GPC6: variants seen among roughly 807,000 people sequenced by gnomAD.
The protein encoded by GPC6 is glypican 6, also known as glypican-6.
A neutral mutation model predicts 55.2 loss-of-function variants in GPC6; 14 were observed. That is an observed-to-expected ratio of 0.25 (90% CI 0.17 to 0.40). The LOEUF (loss-of-function observed/expected upper bound fraction) is 0.40, where lower values mean the gene tolerates loss of function less well. GPC6 is among the 10% of genes least tolerant of loss of function. The pLI, the probability that GPC6 is intolerant of heterozygous loss-of-function variation, is 1.00. For missense variants in GPC6, 641 were observed against 708.5 expected (o/e 0.90, Z 1.08); for synonymous variants, 278 against 259.6 (o/e 1.07, Z -0.68).
chr13:93,887,452 A>G (rs1345747171), intron 3 of GPC6, among the ~76,000 whole-genome samples: 10 of 152,140 alleles, frequency 6.6e-5, no homozygotes, highest in Admixed American at 6.6e-4. Context: ...GAACACAGAG[A>G]TAACACCCAC....
intron 2 of GPC6, among the ~76,000 whole-genome samples, chr13:93,751,672 C>T (rs1161908579): frequency 6.6e-6 from 1 of 151,972 alleles, no homozygotes; most frequent in African/African-American, 2.4e-5. Context: ...CAGGTGTGCA[C>T]CACCATGCCT....
intron 3 of GPC6, among the ~76,000 whole-genome samples, chr13:93,987,399 A>T (rs1594644614): frequency 6.6e-6 from 1 of 152,324 alleles, no homozygotes; most frequent in East Asian, 1.9e-4. Flanking sequence ...CAGTTATTAA[A>T]GTTTTGACTA....
chr13:94,300,234 A>G (rs1375099945), intron 5 of GPC6, among the ~76,000 whole-genome samples: 1 of 152,210 alleles, frequency 6.6e-6, no homozygotes, highest in Non-Finnish European at 1.5e-5. Flanking sequence ...GACTTTTTAA[A>G]TGTATAATCA....
At chr13:94,385,165 A>G (rs1456374144) in intron 7 of GPC6, among the ~76,000 whole-genome samples, 8 of 151,948 alleles carry the variant, frequency 5.3e-5, no homozygotes, top group Admixed American at 5.2e-4. Context: ...GCTTGAACCC[A>G]GGAAAAGGAG....
At chr13:93,998,194 A>G (rs1347978846) in intron 3 of GPC6, among the ~76,000 whole-genome samples, 1 of 152,240 alleles carries the variant, frequency 6.6e-6, no homozygotes, top group Non-Finnish European at 1.5e-5. Context: ...CATCATACAG[A>G]TACAACAGAT....
At chr13:94,253,355 A>C (rs768814403) in intron 4 of GPC6, among the ~76,000 whole-genome samples, 2 of 152,124 alleles carry the variant, frequency 1.3e-5, no homozygotes, top group Non-Finnish European at 2.9e-5. Context: ...TTGATTCTCT[A>C]TAACCTAGAT....
At chr13:94,298,039 T>TA (rs548064285) in intron 5 of GPC6, among the ~76,000 whole-genome samples, 44 of 147,976 alleles carry the variant, frequency 3.0e-4, no homozygotes, top group East Asian at 7.9e-4. Flanking sequence ...CCACACTAAT[T>TA]AAAAAAAAAA....
intron 2 of GPC6, among the ~76,000 whole-genome samples, chr13:93,804,648 C>G (rs1380673557): frequency 6.6e-6 from 1 of 152,210 alleles, no homozygotes; most frequent in Non-Finnish European, 1.5e-5. Flanking sequence ...CCATCAATAA[C>G]AGAGCCTGCC....
At chr13:93,357,975 C>T (rs986022420) in intron 1 of GPC6, among the ~76,000 whole-genome samples, 2 of 152,140 alleles carry the variant, frequency 1.3e-5, no homozygotes, top group African/African-American at 2.4e-5. Flanking sequence ...GTGGTCTGTT[C>T]ATGGATGCCT....
chr13:93,508,104 G>C (rs1315288360), intron 1 of GPC6, among the ~76,000 whole-genome samples: 1 of 152,082 alleles, frequency 6.6e-6, no homozygotes, highest in East Asian at 1.9e-4. Context: ...ACTATAATCT[G>C]GCAACAAATA....
chr13:93,289,384 G>A (rs972832509), intron 1 of GPC6, among the ~76,000 whole-genome samples: 6 of 152,026 alleles, frequency 3.9e-5, no homozygotes, highest in Admixed American at 2.0e-4. Flanking sequence ...TAGATATTCT[G>A]GAAATATGAT....
chr13:93,661,388 A>G (rs1023021123), intron 2 of GPC6, among the ~76,000 whole-genome samples: 3 of 151,922 alleles, frequency 2.0e-5, no homozygotes, highest in African/African-American at 7.2e-5. Flanking sequence ...TAATTTTTGT[A>G]TTTTTAGTAC....
At chr13:93,823,514 T>C (rs544317585) in intron 2 of GPC6, among the ~76,000 whole-genome samples, 72 of 152,182 alleles carry the variant, frequency 4.7e-4, no homozygotes, top group Non-Finnish European at 9.1e-4. Flanking sequence ...ATAAAATATC[T>C]GATGCCCGTT....
intron 4 of GPC6, among the ~76,000 whole-genome samples, chr13:94,075,114 A>T (rs1311579375): frequency 6.6e-6 from 1 of 152,192 alleles, no homozygotes; most frequent in Non-Finnish European, 1.5e-5. Context: ...TAGTAGCTAT[A>T]CACAATCATC....
chr13:94,071,031 C>T (rs373925207), intron 4 of GPC6, among the ~76,000 whole-genome samples: 2 of 152,144 alleles, frequency 1.3e-5, no homozygotes, highest in East Asian at 1.9e-4. Flanking sequence ...TATGATTGAG[C>T]ATTGTAATTG....
At chr13:93,848,465 C>A (rs1888279180) in intron 3 of GPC6, among the ~76,000 whole-genome samples, 1 of 152,062 alleles carries the variant, frequency 6.6e-6, no homozygotes, top group African/African-American at 2.4e-5. Context: ...CTTAAGGCAA[C>A]CCTCCCAGTC....
At chr13:94,041,973 C>G (rs1413631173) in intron 4 of GPC6, among the ~76,000 whole-genome samples, 1 of 151,768 alleles carries the variant, frequency 6.6e-6, no homozygotes, top group Non-Finnish European at 1.5e-5. Flanking sequence ...TGTCCCCACC[C>G]AAATCTCATG....
chr13:93,973,042 G>A (rs993189004), intron 3 of GPC6, among the ~76,000 whole-genome samples: 3 of 151,742 alleles, frequency 2.0e-5, no homozygotes, highest in Non-Finnish European at 2.9e-5. Context: ...AGAGTCCACT[G>A]CACTACAGGT....
chr13:93,830,470 C>T lies in GPC6; in HGVS notation c.636C>T (p.Thr212=), dbSNP rs1268262347. 9 of 1,613,632 alleles carry T rather than the reference C, an allele frequency of 5.6e-6. 1 individual carries two copies. Among genetic ancestry groups the T allele is most frequent in the Non-Finnish European group, 7.6e-6 (9 of 1,179,844 alleles). The change falls in exon 3 of 9, where the codon ACC becomes ACT. Residue 212 remains threonine (T), a synonymous_variant. Transcript: ENST00000377047. ...DVPRKLKIQV[T]RAFIAARTFV... The stretch of plus-strand genomic sequence containing the variant: ...CCCGGAAACTGAAGATTCAGGTTAC[C>T]CGCGCCTTCATTGCTGCCAGGACCT...
Sources: gnomAD v4.1 joint callset for allele counts (sites outside exome capture counted in the v4.1 genomes callset) on GRCh38, gnomAD v4.1.1 for gene constraint, MANE v1.5 for transcripts, NCBI Gene and HGNC (gene_info 2026-07-23, HGNC 2026-07-21) for gene names.